Variants in COL5A3 observed in about 807,000 individuals in gnomAD.
COL5A3 encodes collagen alpha-3(V) chain.
COL5A3 carries 172 observed loss-of-function variants against 250.0 expected under a neutral mutation model. That is an observed-to-expected ratio of 0.69 (90% confidence interval 0.61 to 0.78). The LOEUF is 0.78. Among genes scored for constraint, COL5A3 ranks in the 30% least tolerant of loss-of-function variants. COL5A3 has a pLI of 0.00. For missense variants in COL5A3, 2,340 were observed against 2,334.4 expected (o/e 1.00, Z -0.05); for synonymous variants, 937 against 900.4 (o/e 1.04, Z -0.73).
In COL5A3 at chr19:9,968,901, G is replaced by A. The variant is rs1156395318; in HGVS notation, c.4153-173C>T. 1 of 671,408 alleles carries A rather than the reference G, an allele frequency of 1.5e-6. No homozygotes were observed. Among genetic ancestry groups the A allele is most frequent in the Non-Finnish European group, 2.6e-6 (1 of 383,844 alleles). The allele number at this position is 671,408 out of a possible 1,614,324, so 41.6% of individuals were successfully genotyped here. A position where few individuals can be genotyped will look rare whatever the true frequency, so the allele number is the denominator to read the frequency against. ...CCAAGGTGGGATGATGAGAGCTAAT[G>A]AGGGGTTGACTGGAGGATGGACAAC... On this transcript the variant is annotated intron_variant, in intron 57 of 66. Transcript: ENST00000264828. The surrounding 1 kb of genome is among the most constrained non-coding windows in gnomAD (Gnocchi z 4.1).
chr19:9,995,586 G>T lies in COL5A3; in HGVS notation c.1565C>A (p.Pro522His), dbSNP rs1455173095. Residue 522 changes from proline to histidine, a missense_variant, in exon 16 of 67, where the codon CCC becomes CAC. Coordinates refer to ENST00000264828, the MANE Select transcript of COL5A3 (RefSeq NM_015719.4). The part of the protein sequence containing the change: ...GPRGLQGPHG[P>H]PGRVGKMGRP... ...CACCATCTTGCCCACTCGGCCAGGG[G>T]GTCCATGAGGTCCCTGCAGGCCTCG... 1 of 1,607,520 alleles carries T rather than the reference G, an allele frequency of 6.2e-7. No homozygotes were observed. The highest frequency in any genetic ancestry group is 1.1e-5 in the South Asian group (1 of 90,140).
chr19:9,964,285 T>C (rs1039088038), intron 64 of COL5A3, among the ~76,000 whole-genome samples: 9 of 151,962 alleles, frequency 5.9e-5, no homozygotes, highest in South Asian at 4.2e-4. Flanking sequence ...GCCTGGGTGA[T>C]AGAGAAAGAC....
At chr19:9,970,872 G>T in intron 53 of COL5A3, 103 bp downstream of exon 53, 2 of 1,177,226 alleles carry the variant, frequency 1.7e-6, no homozygotes, top group Non-Finnish European at 2.4e-6. Flanking sequence ...ATCTGCAGGG[G>T]CCTTGGGTAC....
chr19:9,962,407 G>C (rs1476367016), intron 65 of COL5A3, among the ~76,000 whole-genome samples: 1 of 152,156 alleles, frequency 6.6e-6, no homozygotes, highest in Non-Finnish European at 1.5e-5. Context: ...CAGCCATGTG[G>C]CTTTTTCTTC....
At chr19:9,981,185 T>A in intron 32 of COL5A3, 53 bp from the exon 33 acceptor site, 2 of 1,556,224 alleles carry the variant, frequency 1.3e-6, no homozygotes, top group Non-Finnish European at 1.8e-6. Flanking sequence ...TGCAAAGGTA[T>A]GACGCAAACA....
In COL5A3 at chr19:9,993,370, C is replaced by T; in HGVS notation, c.1749+10G>A. On this transcript the variant is annotated intron_variant, in intron 19 of 66. Coordinates refer to ENST00000264828, the MANE Select transcript of COL5A3 (RefSeq NM_015719.4). ...TTCCAAACCAGGCCCTAACTCTCTT[C>T]CAAACTTACCCTCTCACCATCCTCT... The T allele has an allele frequency of 3.7e-6, 6 of 1,614,052 alleles. No homozygotes were observed. The highest frequency in any genetic ancestry group is 4.2e-6 in the Non-Finnish European group (5 of 1,179,908).
intron 45 of COL5A3, 56 bp from the exon 46 acceptor site, chr19:9,974,464 G>T: frequency 2.2e-6 from 3 of 1,356,002 alleles, no homozygotes; most frequent in Non-Finnish European, 3.0e-6. Context: ...TTAGGGCAGA[G>T]TGAGGCTCAA....
intron 39 of COL5A3, 39 bp downstream of exon 39, chr19:9,979,093 T>C (rs771925168): frequency 8.0e-6 from 12 of 1,508,422 alleles, no homozygotes; most frequent in Non-Finnish European, 8.9e-6. Flanking sequence ...TGGTTGATCT[T>C]GGATGTTCAA....
intron 16 of COL5A3, 83 bp downstream of exon 16, chr19:9,995,481 G>T: frequency 1.6e-6 from 2 of 1,254,536 alleles, no homozygotes; most frequent in Non-Finnish European, 2.2e-6. Flanking sequence ...GACACCAGCA[G>T]ACCCCAAGGT....
intron 8 of COL5A3, 22 bp downstream of exon 8, chr19:10,001,502 C>T (rs200901695): frequency 1.2e-6 from 2 of 1,612,278 alleles, no homozygotes; most frequent in Non-Finnish European, 1.7e-6. Flanking sequence ...TTGCACCTAA[C>T]CCCAGCCACC....
Position 10,001,836 on chromosome 19 carries a change from G to A in COL5A3, c.895C>T (p.Pro299Ser), listed in dbSNP as rs921634447. The A allele has an allele frequency of 6.2e-7, 1 of 1,614,030 alleles. No homozygotes were observed. The highest frequency in any genetic ancestry group is 8.5e-7 in the Non-Finnish European group (1 of 1,180,028). ...ACGACCAAAGGCGTGGGGGTCGGAG[G>A]CAGATTTGGAGCTGGAGTCTCTGTC... Reference protein sequence around the residue: ...PKTETPAPNLPPTPTPLVVTS... With the variant: ...PKTETPAPNLSPTPTPLVVTS... Residue 299 changes from proline (P) to serine (S), a missense_variant, in exon 7 of 67, where the codon CCT (proline) becomes TCT (serine). Pro to Ser is a moderately conservative substitution (Grantham distance 74, BLOSUM62 -1). Transcript: ENST00000264828.
At chr19:9,960,954 C>A in intron 65 of COL5A3, 64 bp from the exon 66 acceptor site, 1 of 1,574,402 alleles carries the variant, frequency 6.4e-7, no homozygotes, top group South Asian at 1.1e-5. Context: ...CAGAAGCCAC[C>A]CCCTGGAATC....
rs962564687 is a variant in COL5A3, at chr19:10,009,612, G to C, written c.88+686C>G. Among the ~76,000 whole-genome samples, 19 of 152,116 alleles carry C rather than the reference G, an allele frequency of 1.2e-4. No individual in the cohort carries two copies. The highest frequency in any genetic ancestry group is 3.9e-4 in the Admixed American group (6 of 15,276). ...ATCGCGGCTCTGGGGACCGCGGGGT[G>C]GGGGAGGGGGCAACAGGGAGGGAGG... On this transcript the variant is annotated intron_variant, in intron 1 of 66. Coordinates refer to ENST00000264828, the MANE Select transcript of COL5A3 (RefSeq NM_015719.4). The surrounding 1 kb of genome is among the most constrained non-coding windows in gnomAD (Gnocchi z 4.4).
rs1156725067 is a variant in COL5A3 at position 9,997,852 on chromosome 19, C to A, written c.1200+132G>T. ...TTCATCCTCCCTATTTTGACTCACC[C>A]TTTAAGCCTCAAATGTCCACTACCC... is the stretch of plus-strand genomic sequence containing the variant. On this transcript the variant is annotated intron_variant, in intron 10 of 66. Coordinates refer to ENST00000264828, the MANE Select transcript of COL5A3 (RefSeq NM_015719.4). 3.3e-6 allele frequency: 3 copies of A among 899,048 alleles called. No individual in the cohort carries two copies. The African/African-American group carries it at 5.0e-5, about 15-fold the overall frequency. 55.7% of individuals were successfully genotyped at this position (899,048 alleles called of 1,614,324 possible).
chr19:9,998,300 A>C, intron 8 of COL5A3, 151 bp from the exon 9 acceptor site: 1 of 756,508 alleles, frequency 1.3e-6, no homozygotes, highest in Non-Finnish European at 2.1e-6. Flanking sequence ...TGTAACCAAT[A>C]TGCACTGAGA....
At chr19:9,963,177 T>C (rs1021615435) in intron 64 of COL5A3, among the ~76,000 whole-genome samples, 15 of 152,194 alleles carry the variant, frequency 9.9e-5, no homozygotes, top group African/African-American at 3.4e-4. Context: ...GGCTCCCCAG[T>C]GGGATTGAGC....
chr19:9,997,488 G>T (rs1425114729), intron 10 of COL5A3, 55 bp from the exon 11 acceptor site: 7 of 1,208,414 alleles, frequency 5.8e-6, no homozygotes, highest in South Asian at 2.8e-5. Context: ...GAGCTAGGCT[G>T]ACTTTCAACC....
In COL5A3 at chr19:9,977,279, C is replaced by A; in HGVS notation, c.3238G>T (p.Asp1080Tyr). The A allele has an allele frequency of 6.2e-7, 1 of 1,614,114 alleles. No individual in the cohort carries two copies. The highest frequency in any genetic ancestry group is 8.5e-7 in the Non-Finnish European group (1 of 1,179,974). Residue 1080 changes from aspartate to tyrosine, a missense_variant, in exon 44 of 67, where the codon GAT (aspartate) becomes TAT (tyrosine). Asp to Tyr is a radical substitution (Grantham distance 160). Coordinates refer to ENST00000264828, the MANE Select transcript of COL5A3 (RefSeq NM_015719.4). ...CCCTTGTGTCCGGGGGCACCCACAT[C>A]CCCCTGCAGAGGAAATGGGATGAAG... ...GPSGEEGDKG[D>Y]VGAPGHKGSK...
chr19:9,997,558 C>T (rs2087291040), intron 10 of COL5A3, 125 bp from the exon 11 acceptor site: 1 of 630,420 alleles, frequency 1.6e-6, no homozygotes, highest in East Asian at 2.7e-5. Flanking sequence ...ACTCCAACTC[C>T]CCTAATGCAA....
Sources: gnomAD v4.1 joint callset for allele counts (sites outside exome capture counted in the v4.1 genomes callset) on GRCh38, gnomAD v4.1.1 for gene constraint, Gnocchi (gnomAD v3.1) non-coding constraint, MANE v1.5 for transcripts, NCBI Gene and HGNC (gene_info 2026-07-23, HGNC 2026-07-21) for gene names.